Variants in ENTREP2 observed in about 807,000 individuals in gnomAD.
ENTREP2 encodes the protein endosomal transmembrane epsin interactor 2.
chr15:29,260,986 A>G, the ENTREP2 span, among the ~76,000 whole-genome samples: 1 of 152,208 alleles, frequency 6.6e-6, no homozygotes, highest in Non-Finnish European at 1.5e-5. Context: ...AACAAGACTT[A>G]ACAAAATCAT....
chr15:29,152,303 A>C, the ENTREP2 span, among the ~76,000 whole-genome samples: 1 of 152,198 alleles, frequency 6.6e-6, no homozygotes, highest in South Asian at 2.1e-4. Flanking sequence ...GCAAATCTAT[A>C]GTACAATATC....
At chr15:29,399,335 G>A in the ENTREP2 span, among the ~76,000 whole-genome samples, 1 of 152,164 alleles carries the variant, frequency 6.6e-6, no homozygotes, top group Non-Finnish European at 1.5e-5. Flanking sequence ...GTTTGAACCT[G>A]CTATGCTTGT....
the ENTREP2 span, among the ~76,000 whole-genome samples, chr15:29,650,765 T>C: frequency 6.6e-6 from 1 of 152,178 alleles, no homozygotes; most frequent in Non-Finnish European, 1.5e-5. Context: ...TTGCTTTCTG[T>C]ACTGCTTCTG....
At chr15:29,502,339 A>C in the ENTREP2 span, among the ~76,000 whole-genome samples, 1 of 152,006 alleles carries the variant, frequency 6.6e-6, no homozygotes, top group African/African-American at 2.4e-5. Context: ...CCATTCAATA[A>C]GGAAAGAATA....
At chr15:29,220,708 G>A in the ENTREP2 span, among the ~76,000 whole-genome samples, 2 of 151,822 alleles carry the variant, frequency 1.3e-5, no homozygotes, top group Non-Finnish European at 2.9e-5. Context: ...GTGCATGAAC[G>A]TGTATACACA....
At chr15:29,537,444 T>C in the ENTREP2 span, among the ~76,000 whole-genome samples, 1 of 152,182 alleles carries the variant, frequency 6.6e-6, no homozygotes, top group Non-Finnish European at 1.5e-5. Context: ...TCCCCTTTGG[T>C]TTCCTCCTGA....
At chr15:29,490,231 C>T in the ENTREP2 span, among the ~76,000 whole-genome samples, 23 of 151,792 alleles carry the variant, frequency 1.5e-4, no homozygotes, top group Non-Finnish European at 2.4e-4. Flanking sequence ...TTGGGAGTTT[C>T]TTCCTTCTCT....
At chr15:29,189,541 T>C in the ENTREP2 span, among the ~76,000 whole-genome samples, 1 of 152,166 alleles carries the variant, frequency 6.6e-6, no homozygotes, top group Non-Finnish European at 1.5e-5. Flanking sequence ...TCTGGGTAAT[T>C]TGGTTTATTG....
the ENTREP2 span, among the ~76,000 whole-genome samples, chr15:29,279,297 C>A: frequency 6.6e-6 from 1 of 151,914 alleles, no homozygotes; most frequent in Non-Finnish European, 1.5e-5. Context: ...ATTATTAGGG[C>A]TATTCTGGGT....
chr15:29,307,194 C>G, the ENTREP2 span, among the ~76,000 whole-genome samples: 1 of 151,984 alleles, frequency 6.6e-6, no homozygotes, highest in African/African-American at 2.4e-5. Flanking sequence ...TTCTATCCTT[C>G]CTTTTATACA....
chr15:29,522,185 G>A, the ENTREP2 span, among the ~76,000 whole-genome samples: 7 of 152,122 alleles, frequency 4.6e-5, no homozygotes, highest in Non-Finnish European at 8.8e-5. Flanking sequence ...ATCTGTAAAG[G>A]AAAGAATGGA....
chr15:29,496,141 GTTA>G, the ENTREP2 span, among the ~76,000 whole-genome samples: 2 of 151,636 alleles, frequency 1.3e-5, no homozygotes, highest in Non-Finnish European at 2.9e-5. Flanking sequence ...GCTTATTTAT[GTTA>G]TTATTTTTGA....
At chr15:29,491,378 C>G in the ENTREP2 span, among the ~76,000 whole-genome samples, 1 of 152,208 alleles carries the variant, frequency 6.6e-6, no homozygotes, top group Non-Finnish European at 1.5e-5. Flanking sequence ...ACATCGAGGC[C>G]CAGGAGGTGC....
chr15:29,244,821 G>C, the ENTREP2 span, among the ~76,000 whole-genome samples: 2 of 152,164 alleles, frequency 1.3e-5, no homozygotes, highest in Non-Finnish European at 2.9e-5. Flanking sequence ...GTCCTATGAA[G>C]CTCAGCAAAT....
the ENTREP2 span, among the ~76,000 whole-genome samples, chr15:29,201,927 G>T: frequency 6.6e-6 from 1 of 152,132 alleles, no homozygotes; most frequent in Non-Finnish European, 1.5e-5. Context: ...GGAAGTTTTA[G>T]AATTATAAAT....
the ENTREP2 span, among the ~76,000 whole-genome samples, chr15:29,429,797 C>A: frequency 6.6e-6 from 1 of 152,192 alleles, no homozygotes; most frequent in African/African-American, 2.4e-5. Context: ...CTGTGCAATG[C>A]CCGATCCGGG....
At chr15:29,617,549 A>G in the ENTREP2 span, among the ~76,000 whole-genome samples, 1 of 152,274 alleles carries the variant, frequency 6.6e-6, no homozygotes, top group Non-Finnish European at 1.5e-5. Context: ...GCTGCAACTC[A>G]TTATTTCATG....
chr15:29,200,123 C>A, the ENTREP2 span, among the ~76,000 whole-genome samples: 6 of 152,084 alleles, frequency 3.9e-5, no homozygotes, highest in African/African-American at 1.2e-4. Context: ...GTCTGGAAAT[C>A]AAAAAATTAA....
the ENTREP2 span, among the ~76,000 whole-genome samples, chr15:29,421,673 G>GT: frequency 9.9e-5 from 15 of 152,132 alleles, no homozygotes; most frequent in African/African-American, 3.6e-4. Flanking sequence ...CTCAAACTAC[G>GT]TAACACTAGC....
Sources: allele counts gnomAD v4.1 joint callset (sites outside exome capture counted in the v4.1 genomes callset), GRCh38; gene constraint gnomAD v4.1.1; transcripts MANE v1.5; gene names NCBI Gene and HGNC (gene_info 2026-07-23, HGNC 2026-07-21).